Variants in DHRS12 observed in about 807,000 individuals in gnomAD.
DHRS12 encodes the protein dehydrogenase/reductase SDR family member 12.
A neutral mutation model predicts 32.1 loss-of-function variants in DHRS12; 29 were observed. The ratio of observed to expected loss-of-function variants is 0.90; its 90% CI spans 0.67 to 1.23. DHRS12 has a LOEUF of 1.23. Ranked by LOEUF, DHRS12 falls within the 50% of genes most tolerant of loss-of-function variation. DHRS12 has a pLI of 0.00. For synonymous variants in DHRS12, 150 were observed against 135.9 expected (o/e 1.10, Z -0.72); for missense variants, 330 against 337.2 (o/e 0.98, Z 0.17).
chr13:51,800,504 G>C (rs1164250481), intron 1 of DHRS12, among the ~76,000 whole-genome samples: 1 of 152,264 alleles, frequency 6.6e-6, no homozygotes, highest in Admixed American at 6.5e-5. Flanking sequence ...CCCACGCACA[G>C]GCAGGCTGGG....
chr13:51,768,521 G>A (rs1566269993), intron 8 of DHRS12: 1 of 1,402,328 alleles, frequency 7.1e-7, no homozygotes, highest in Non-Finnish European at 9.3e-7. Flanking sequence ...GGCTGGACGG[G>A]AGACCACGTT....
chr13:51,781,627 G>A (rs954590344), intron 4 of DHRS12, among the ~76,000 whole-genome samples: 1 of 152,172 alleles, frequency 6.6e-6, no homozygotes, highest in Non-Finnish European at 1.5e-5. Context: ...GGAGGGAACA[G>A]GCAGGTAGAG....
intron 8 of DHRS12, chr13:51,768,898 G>T: frequency 7.3e-7 from 1 of 1,376,570 alleles, no homozygotes; most frequent in Non-Finnish European, 9.3e-7. Context: ...CATTCCCAAG[G>T]TAGGAACTGC....
At chr13:51,776,854 T>C (rs1954442269) in intron 5 of DHRS12, among the ~76,000 whole-genome samples, 1 of 151,630 alleles carries the variant, frequency 6.6e-6, no homozygotes, top group Non-Finnish European at 1.5e-5. Context: ...GGGTCGGGGG[T>C]TGGGGGGGTT....
chr13:51,797,900 C>T (rs1955580729), intron 2 of DHRS12: 1 of 1,535,856 alleles, frequency 6.5e-7, no homozygotes, highest in Non-Finnish European at 8.7e-7. Flanking sequence ...ACCAGGTGAA[C>T]TGTGCCACCT....
intron 2 of DHRS12, chr13:51,797,793 G>A (rs1955574214): frequency 1.3e-6 from 2 of 1,532,526 alleles, no homozygotes; most frequent in South Asian, 1.2e-5. Flanking sequence ...TGGAGGCAAG[G>A]AAACCCAGCA....
In DHRS12 at chr13:51,769,236, T is replaced by G. The variant is rs750003918; in HGVS notation, c.617A>C (p.Glu206Ala). The change falls in exon 8 of 9, where the codon GAG becomes GCG. Residue 206 changes from glutamate to alanine, a missense_variant. By Grantham distance (107) the Glu-to-Ala change is moderately radical (BLOSUM62 -1). Transcript: ENST00000444610. ...CAGCATGGTGTCCGCGCCCTGGGCC[T>G]CGGAGCGCAGGCGGTCCCCGAACCT... is the stretch of plus-strand genomic sequence containing the variant. ...HARFGDRLRS[E>A]AQGADTMLWL... The G allele has an allele frequency of 1.9e-6, 3 of 1,588,954 alleles. No homozygotes were observed. Among genetic ancestry groups the G allele is most frequent in the Non-Finnish European group, 1.7e-6 (2 of 1,168,902 alleles).
downstream of DHRS12, chr13:51,767,781 C>CAGG (rs1953804159): frequency 2.1e-4 from 1 of 4,662 alleles, no homozygotes; most frequent in Non-Finnish European, 4.2e-4. Flanking sequence ...TCTCCTGGGG[C>CAGG]GGGGGGGGGG....
intron 4 of DHRS12, among the ~76,000 whole-genome samples, chr13:51,784,713 G>A (rs577188692): frequency 1.4e-4 from 21 of 152,312 alleles, no homozygotes; most frequent in South Asian, 8.3e-4. Flanking sequence ...GGCACCAAAC[G>A]CGTGCCCTGT....
At position 51,773,981 on chromosome 13, in the gene DHRS12, G is replaced by A; in HGVS notation, c.417C>T (p.Leu139=). 2 of 1,614,044 alleles carry A rather than the reference G, an allele frequency of 1.2e-6. No individual in the cohort carries two copies. The highest frequency in any genetic ancestry group is 8.5e-7 in the Non-Finnish European group (1 of 1,179,962). Residue 139 remains leucine, a synonymous_variant, in exon 6 of 9, where the codon CTC becomes CTT. Transcript: ENST00000444610. ...MLVQKLNTND[L]QSERTPFDGT... is the part of the protein sequence containing the mutation. ...CATCAAATGGTGTTCTTTCGGACTG[G>A]AGATCATTGGTGTTCAGTTTCTGAA...
At chr13:51,765,980 G>T (rs148446075), downstream of DHRS12, 5 of 151,900 alleles carry the variant, frequency 3.3e-5, no homozygotes, top group East Asian at 9.7e-4. Flanking sequence ...TTTTTCCCTT[G>T]GTTCTCGGGG....
At chr13:51,784,608 G>A (rs1166147656) in intron 4 of DHRS12, among the ~76,000 whole-genome samples, 2 of 152,194 alleles carry the variant, frequency 1.3e-5, no homozygotes, top group African/African-American at 2.4e-5. Flanking sequence ...GCCTTTCTGG[G>A]AGCCTTGAAG....
intron 4 of DHRS12, among the ~76,000 whole-genome samples, chr13:51,784,994 A>G (rs575083540): frequency 3.3e-5 from 5 of 152,330 alleles, no homozygotes; most frequent in East Asian, 1.9e-4. Flanking sequence ...TTGGGGGGCC[A>G]AGGCAGGTGG....
intron 2 of DHRS12, chr13:51,798,036 C>A: frequency 1.1e-6 from 1 of 941,486 alleles, no homozygotes; most frequent in Admixed American, 2.2e-5. Flanking sequence ...ATGGGTGGTT[C>A]CCAGAGTTAA....
At chr13:51,769,970 C>T (rs867583372) in intron 7 of DHRS12, among the ~76,000 whole-genome samples, 4 of 152,152 alleles carry the variant, frequency 2.6e-5, no homozygotes, top group South Asian at 4.1e-4. Flanking sequence ...TCCCACAGAC[C>T]TCAGGGAACA....
chr13:51,769,342 T>C, intron 7 of DHRS12, 49 bp from the exon 8 acceptor site: 3 of 1,348,292 alleles, frequency 2.2e-6, no homozygotes, highest in South Asian at 3.1e-5. Context: ...CTCCAGCAAA[T>C]GTGGTTGACT....
At chr13:51,767,926 C>T (rs1953822761), downstream of DHRS12, 6 of 1,208,262 alleles carry the variant, frequency 5.0e-6, no homozygotes, top group Non-Finnish European at 6.3e-6. Context: ...TCTCAAACTT[C>T]GAATTCTTTA....
At chr13:51,756,442 C>G in the DHRS12 span, 1 of 1,613,998 alleles carries the variant, frequency 6.2e-7, no homozygotes, top group Non-Finnish European at 8.5e-7. Context: ...ACAGCTGCCA[C>G]GAGGCCATCA....
At chr13:51,787,979 G>A (rs888049947) in intron 4 of DHRS12, among the ~76,000 whole-genome samples, 16 of 142,582 alleles carry the variant, frequency 1.1e-4, no homozygotes, top group African/African-American at 3.4e-4. Flanking sequence ...ACTCTCACTC[G>A]TGGCCCGGCC....
Sources: allele counts gnomAD v4.1 joint callset (sites outside exome capture counted in the v4.1 genomes callset), GRCh38; gene constraint gnomAD v4.1.1; transcripts MANE v1.5; gene names NCBI Gene and HGNC (gene_info 2026-07-23, HGNC 2026-07-21).